GPR39: variants seen among roughly 807,000 people sequenced by gnomAD.
GPR39 encodes the protein G protein-coupled receptor 39.
A neutral mutation model predicts 18.4 loss-of-function variants in GPR39; 23 were observed. The observed-to-expected ratio is 1.25, with a 90% CI of 0.90 to 1.77. The LOEUF is 1.77. Among genes scored for constraint, GPR39 ranks in the 40% most tolerant of loss-of-function variants. GPR39 has a pLI of 0.00. For missense variants in GPR39, 647 were observed against 602.4 expected (o/e 1.07, Z -0.78); for synonymous variants, 280 against 257.9 (o/e 1.09, Z -0.82).
intron 1 of GPR39, among the ~76,000 whole-genome samples, chr2:132,518,823 T>A (rs1402458402): frequency 6.6e-6 from 1 of 152,228 alleles, no homozygotes; most frequent in African/African-American, 2.4e-5. Flanking sequence ...TGCAATAGTT[T>A]TCATTCTTTC....
intron 1 of GPR39, among the ~76,000 whole-genome samples, chr2:132,457,733 C>T (rs1680755793): frequency 6.6e-6 from 1 of 152,242 alleles, no homozygotes; most frequent in Non-Finnish European, 1.5e-5. Context: ...TATGTTTTGC[C>T]CACAGAGGTG....
intron 1 of GPR39, among the ~76,000 whole-genome samples, chr2:132,557,671 G>A (rs376427042): frequency 6.6e-6 from 1 of 152,254 alleles, no homozygotes; most frequent in African/African-American, 2.4e-5. Context: ...CTCCACCGCA[G>A]TCAGAGGAGG....
chr2:132,525,131 G>A (rs1679485974), intron 1 of GPR39, among the ~76,000 whole-genome samples: 1 of 152,170 alleles, frequency 6.6e-6, no homozygotes, highest in Non-Finnish European at 1.5e-5. Context: ...CACCTCCCAT[G>A]AAGCCCGTGG....
chr2:132,621,070 T>C (rs1330533769), intron 1 of GPR39, among the ~76,000 whole-genome samples: 2 of 152,122 alleles, frequency 1.3e-5, no homozygotes, highest in African/African-American at 2.4e-5. Flanking sequence ...ATTTTAAATA[T>C]GTCCATTCCC....
At chr2:132,494,549 C>G (rs947920545) in intron 1 of GPR39, among the ~76,000 whole-genome samples, 4 of 152,150 alleles carry the variant, frequency 2.6e-5, no homozygotes, top group African/African-American at 4.8e-5. Context: ...CATGATTAGG[C>G]CTTCCCTGAG....
intron 1 of GPR39, among the ~76,000 whole-genome samples, chr2:132,572,219 C>T (rs890764829): frequency 6.6e-6 from 1 of 152,146 alleles, no homozygotes; most frequent in Admixed American, 6.5e-5. Context: ...AAGGCCAGCT[C>T]GTGTTGGCCC....
At chr2:132,516,996 G>A (rs56945549) in intron 1 of GPR39, among the ~76,000 whole-genome samples, 6,753 of 152,182 alleles carry the variant, frequency 0.044, 396 homozygotes, top group African/African-American at 0.13. Flanking sequence ...AAATAACACC[G>A]ATGTCCATCT....
At chr2:132,449,606 G>T (rs1347706644) in intron 1 of GPR39, among the ~76,000 whole-genome samples, 1 of 152,096 alleles carries the variant, frequency 6.6e-6, no homozygotes, top group African/African-American at 2.4e-5. Context: ...TTGGGTTTGA[G>T]GGCTTCTCAT....
intron 1 of GPR39, among the ~76,000 whole-genome samples, chr2:132,638,208 G>A (rs1354433000): frequency 2.0e-5 from 3 of 152,132 alleles, no homozygotes; most frequent in East Asian, 1.9e-4. Context: ...CTGGCAGGAC[G>A]GTTGTCTAGG....
intron 1 of GPR39, among the ~76,000 whole-genome samples, chr2:132,623,755 A>G (rs1028922355): frequency 6.6e-6 from 1 of 152,148 alleles, no homozygotes; most frequent in Non-Finnish European, 1.5e-5. Flanking sequence ...TAAAGCAAAA[A>G]TCCTGGAACC....
At chr2:132,460,116 T>C (rs1406009248) in intron 1 of GPR39, among the ~76,000 whole-genome samples, 1 of 152,238 alleles carries the variant, frequency 6.6e-6, no homozygotes, top group African/African-American at 2.4e-5. Flanking sequence ...AAAACCTGCA[T>C]AGGATTCTAG....
chr2:132,645,124 G>A lies in GPR39; in HGVS notation c.880G>A (p.Val294Ile), dbSNP rs758254362. Residue 294 changes from valine to isoleucine, a missense_variant, in exon 2 of 2, where the codon GTA becomes ATA. By Grantham distance (29) the Val-to-Ile change is conservative (BLOSUM62 3). This residue lies in a region of GPR39 where 581 missense variants were observed against 506.8 expected (regional missense o/e 1.15). Coordinates refer to ENST00000329321, the MANE Select transcript of GPR39 (RefSeq NM_001508.3). The part of the protein sequence containing the change: ...FLRLIVVTLA[V>I]CWMPNQIRRI... ...AGGGCTGATTGTTGTGACATTGGCCGTATGCTGGATGCCCAACCAGATTCG... is the reference window on the plus strand; with the variant it reads ...AGGGCTGATTGTTGTGACATTGGCCATATGCTGGATGCCCAACCAGATTCG... 5.0e-6 allele frequency: 8 copies of A among 1,613,360 alleles called. No homozygotes were observed. The highest frequency in any genetic ancestry group is 1.3e-5 in the African/African-American group (1 of 74,916).
chr2:132,417,413 T>C lies in GPR39; in HGVS notation c.371T>C (p.Leu124Pro). 2 of 1,614,210 alleles carry C rather than the reference T, an allele frequency of 1.2e-6. No individual in the cohort carries two copies. The highest frequency in any genetic ancestry group is 2.2e-5 in the South Asian group (2 of 91,084). Residue 124 changes from leucine (L) to proline (P), a missense_variant, in exon 1 of 2, where the codon CTG (leucine) becomes CCG (proline). Leu to Pro is a moderately conservative substitution (Grantham distance 98, BLOSUM62 -3). Transcript: ENST00000329321. Reference sequence around the variant, plus strand: ...GAGGCCTGCAGCTACGCTACGCTGCTGCACGTGCTGACACTCAGCTTTGAG... The same window carrying C: ...GAGGCCTGCAGCTACGCTACGCTGCCGCACGTGCTGACACTCAGCTTTGAG... ...LFEACSYATL[L>P]HVLTLSFERY...
chr2:132,589,218 C>G (rs547101876), intron 1 of GPR39, among the ~76,000 whole-genome samples: 15 of 152,114 alleles, frequency 9.9e-5, no homozygotes, highest in Non-Finnish European at 1.5e-4. Flanking sequence ...CATGTCCCCC[C>G]CTCCCCATTG....
intron 1 of GPR39, among the ~76,000 whole-genome samples, chr2:132,562,428 G>A (rs974850459): frequency 2.6e-5 from 4 of 152,096 alleles, no homozygotes; most frequent in Admixed American, 6.5e-5. Flanking sequence ...GCCTCATTCC[G>A]TGTGGGTGCA....
intron 1 of GPR39, among the ~76,000 whole-genome samples, chr2:132,529,204 A>G (rs1427307261): frequency 2.0e-5 from 3 of 152,192 alleles, no homozygotes; most frequent in African/African-American, 7.2e-5. Context: ...ACACCAGATT[A>G]TATCCCACAC....
chr2:132,611,791 T>C (rs987012491), intron 1 of GPR39, among the ~76,000 whole-genome samples: 1 of 152,216 alleles, frequency 6.6e-6, no homozygotes, highest in Non-Finnish European at 1.5e-5. Flanking sequence ...TTGATTGACT[T>C]GCATTTGTTC....
chr2:132,499,637 T>A (rs1348988955), intron 1 of GPR39, among the ~76,000 whole-genome samples: 1 of 152,150 alleles, frequency 6.6e-6, no homozygotes, highest in Non-Finnish European at 1.5e-5. Context: ...TTGCATTGAA[T>A]TTGTAGACTG....
chr2:132,517,980 GAATGGTTAATTATC>G (rs1427512059), intron 1 of GPR39, among the ~76,000 whole-genome samples: 1 of 152,120 alleles, frequency 6.6e-6, no homozygotes, highest in East Asian at 1.9e-4. Context: ...TGTTTGGGGG[GAATGGTTAATTATC>G]ATTGCACTAT....
Sources: allele counts gnomAD v4.1 joint callset (sites outside exome capture counted in the v4.1 genomes callset), GRCh38; gene constraint gnomAD v4.1.1; regional missense constraint gnomAD v4.1.1; transcripts MANE v1.5; gene names NCBI Gene and HGNC (gene_info 2026-07-23, HGNC 2026-07-21).